PATJ: variants seen among roughly 807,000 people sequenced by gnomAD.
PATJ encodes the protein inaD-like protein.
Under a neutral mutation model 224.9 loss-of-function variants are expected in PATJ, and 190 were observed. The ratio of observed to expected loss-of-function variants is 0.84; its 90% confidence interval spans 0.75 to 0.95. The LOEUF is 0.95. Among genes scored for constraint, PATJ ranks in the 40% least tolerant of loss-of-function variants. The pLI is 0.00. For synonymous variants in PATJ, 769 were observed against 820.3 expected, an observed-to-expected ratio of 0.94 and a Z score of 1.07; for missense variants, 2,121 against 2,270.3, an observed-to-expected ratio of 0.93 and a Z score of 1.34.
At chr1:62,021,635 C>T (rs1049492493) in intron 29 of PATJ, among the ~76,000 whole-genome samples, 11 of 152,136 alleles carry the variant, frequency 7.2e-5, no homozygotes, top group Admixed American at 5.9e-4. Context: ...ATTCCTCATA[C>T]GTCAGTCCCT....
rs111577086 is a variant in PATJ, at chr1:61,805,419, C to A, written c.1550-29C>A. The A allele has an allele frequency of 4.2e-6, 6 of 1,424,142 alleles. No individual in the cohort carries two copies. The Admixed American group carries it at 6.9e-5, about 16-fold the overall frequency. 88.2% of individuals were successfully genotyped at this position (1,424,142 alleles called of 1,614,324 possible). A position where few individuals can be genotyped will look rare whatever the true frequency, so the allele number is the denominator to read the frequency against. On this transcript the variant is annotated intron_variant, in intron 12 of 43. Transcript: ENST00000642238. ...GCTCACAGTAGTTTCAACATTCTCT[C>A]GCTCTCTCTCTTTTTTTTTAATATC...
At chr1:61,838,064 A>G (rs1420616944) in intron 17 of PATJ, among the ~76,000 whole-genome samples, 1 of 152,220 alleles carries the variant, frequency 6.6e-6, no homozygotes, top group East Asian at 1.9e-4. Context: ...AAGACAAAAG[A>G]GAAAGCAACA....
chr1:62,081,946 A>G (rs897406587), intron 32 of PATJ, among the ~76,000 whole-genome samples: 1 of 152,354 alleles, frequency 6.6e-6, no homozygotes, highest in South Asian at 2.1e-4. Context: ...ATTAATGGGA[A>G]ATGTGGTATA....
intron 6 of PATJ, among the ~76,000 whole-genome samples, chr1:61,774,863 G>A (rs1646828269): frequency 6.6e-6 from 1 of 152,088 alleles, no homozygotes; most frequent in African/African-American, 2.4e-5. Context: ...CATATTTACT[G>A]GTCCCTACTA....
In PATJ at chr1:62,149,452, C is replaced by T. The variant is rs184828360; in HGVS notation, c.5378+1062C>T. Reference sequence around the variant, plus strand: ...CAATTTTTTCCTGGTAGTTCCCCACCTAAATGACATCTTTGAGTTTATTTT... The same window carrying T: ...CAATTTTTTCCTGGTAGTTCCCCACTTAAATGACATCTTTGAGTTTATTTT... On this transcript the variant is annotated intron_variant, in intron 42 of 43. Coordinates refer to ENST00000642238, the MANE Select transcript of PATJ (RefSeq NM_001350145.3). 1.1e-3 allele frequency among the ~76,000 whole-genome samples: 172 copies of T among 152,234 alleles called. 1 individual carries two copies. Among genetic ancestry groups the T allele is most frequent in the African/African-American group, 4.1e-3 (169 of 41,550 alleles).
chr1:62,147,334 G>A (rs1355313429), intron 41 of PATJ, among the ~76,000 whole-genome samples: 1 of 152,168 alleles, frequency 6.6e-6, no homozygotes, highest in Non-Finnish European at 1.5e-5. Context: ...GAATTGTGGT[G>A]TCATGGAAGC....
chr1:61,899,467 A>G, intron 22 of PATJ, 116 bp from the exon 23 acceptor site: 2 of 596,092 alleles, frequency 3.4e-6, no homozygotes, highest in Non-Finnish European at 2.8e-6. Context: ...TTAAAAACTT[A>G]AAAATTGAGA....
intron 27 of PATJ, among the ~76,000 whole-genome samples, chr1:61,955,345 GA>G (rs1388755397): frequency 6.6e-6 from 1 of 152,022 alleles, no homozygotes; most frequent in Non-Finnish European, 1.5e-5. Flanking sequence ...TTTCTAAAAA[GA>G]AAAAAGATAT....
intron 21 of PATJ, among the ~76,000 whole-genome samples, chr1:61,882,952 T>C (rs1432446414): frequency 6.6e-6 from 1 of 151,858 alleles, no homozygotes; most frequent in African/African-American, 2.4e-5. Context: ...CTATATATTA[T>C]ACCTTATGCA....
rs1426320863 is a variant in PATJ at position 62,114,095 on chromosome 1, AT to A, written c.4505del (p.Ile1502ThrfsTer4). 6.2e-7 allele frequency: 1 copy of A among 1,614,138 alleles called. No homozygotes were observed. Among genetic ancestry groups the A allele is most frequent in the Non-Finnish European group, 8.5e-7 (1 of 1,179,996 alleles). On this transcript the variant is annotated frameshift_variant, in exon 35 of 44. Coordinates refer to ENST00000642238, the MANE Select transcript of PATJ (RefSeq NM_001350145.3). LOFTEE classifies it high-confidence loss of function. The stretch of plus-strand genomic sequence containing the variant: ...GAGGAACTCCAGCCACGAAGAAGCC[AT>A]CACAGCCCTGAGGCAGACCCCCCAG... ...DLRNSSHEEA[I>X]TALRQTPQKV...
At chr1:61,855,103 G>T (rs1663440218) in intron 17 of PATJ, among the ~76,000 whole-genome samples, 1 of 152,110 alleles carries the variant, frequency 6.6e-6, no homozygotes, top group Admixed American at 6.5e-5. Context: ...ACTGGTGAAG[G>T]TATAAGAACG....
intron 37 of PATJ, chr1:62,120,906 C>G (rs1333227188): frequency 2.8e-6 from 1 of 361,946 alleles, no homozygotes. Flanking sequence ...GGAGCAAGAA[C>G]AGCTGAAATG....
chr1:61,765,802 T>C (rs895544099), intron 3 of PATJ, among the ~76,000 whole-genome samples: 1 of 152,204 alleles, frequency 6.6e-6, no homozygotes, highest in East Asian at 1.9e-4. Context: ...TCTCATTAGA[T>C]TGTTGTAAGA....
chr1:61,937,254 A>G (rs1174524486), intron 27 of PATJ, among the ~76,000 whole-genome samples: 1 of 152,046 alleles, frequency 6.6e-6, no homozygotes, highest in African/African-American at 2.4e-5. Flanking sequence ...TTTCGTTTTG[A>G]GACAGTTTCG....
At chr1:61,814,783 A>G (rs1417906547) in intron 14 of PATJ, among the ~76,000 whole-genome samples, 2 of 152,180 alleles carry the variant, frequency 1.3e-5, no homozygotes, top group East Asian at 3.8e-4. Flanking sequence ...TTAACTAACC[A>G]GTCAAAACCG....
At chr1:61,853,056 G>T (rs1055991304) in intron 17 of PATJ, among the ~76,000 whole-genome samples, 2 of 152,114 alleles carry the variant, frequency 1.3e-5, no homozygotes, top group Non-Finnish European at 2.9e-5. Flanking sequence ...TCCAGGAAAA[G>T]GGGTGGTAGA....
At chr1:62,049,281 AGAGT>A (rs1653148809) in intron 30 of PATJ, among the ~76,000 whole-genome samples, 1 of 144,468 alleles carries the variant, frequency 6.9e-6, no homozygotes, top group Non-Finnish European at 1.5e-5. Context: ...ACACACACAC[AGAGT>A]ATTTTTTTTT....
At chr1:61,745,248 G>A (rs751747752) in intron 1 of PATJ, among the ~76,000 whole-genome samples, 11 of 152,036 alleles carry the variant, frequency 7.2e-5, no homozygotes, top group Non-Finnish European at 1.5e-4. Context: ...ATCAGACAAG[G>A]GAGATCAGAT....
chr1:61,868,930 A>G (rs1665826140), intron 20 of PATJ, among the ~76,000 whole-genome samples: 1 of 152,190 alleles, frequency 6.6e-6, no homozygotes, highest in Non-Finnish European at 1.5e-5. Context: ...TTTTATTTAT[A>G]CACACATGAA....
Sources: gnomAD v4.1 joint callset for allele counts (sites outside exome capture counted in the v4.1 genomes callset) on GRCh38, gnomAD v4.1.1 for gene constraint, MANE v1.5 for transcripts, NCBI Gene and HGNC (gene_info 2026-07-23, HGNC 2026-07-21) for gene names.